Variants in CDH18 observed in about 807,000 individuals in gnomAD.
CDH18 encodes the protein cadherin-18.
In CDH18, 31 loss-of-function variants were observed where a neutral mutation model predicts 67.9. The ratio of observed to expected loss-of-function variants is 0.46; its 90% CI spans 0.34 to 0.62. The LOEUF (loss-of-function observed/expected upper bound fraction) is 0.62. Among genes scored for constraint, CDH18 ranks in the 20% least tolerant of loss-of-function variants. The pLI is 0.01. For synonymous variants in CDH18, 362 were observed against 347.2 expected, an observed-to-expected ratio of 1.04 and a Z score of -0.48; for missense variants, 890 against 975.5, an observed-to-expected ratio of 0.91 and a Z score of 1.17.
At chr5:20,536,019 A>G (rs2126569899) in intron 1 of CDH18, among the ~76,000 whole-genome samples, 1 of 152,220 alleles carries the variant, frequency 6.6e-6, no homozygotes, top group East Asian at 1.9e-4. Context: ...TATGCTGTTT[A>G]TTGTCCAGTG....
intron 9 of CDH18, among the ~76,000 whole-genome samples, chr5:19,531,816 G>A (rs1008997844): frequency 1.3e-5 from 2 of 152,162 alleles, no homozygotes; most frequent in Non-Finnish European, 2.9e-5. Flanking sequence ...TGAAAATAAT[G>A]ACTCATAAGC....
At chr5:20,523,269 A>G (rs1755855367) in intron 1 of CDH18, among the ~76,000 whole-genome samples, 1 of 152,152 alleles carries the variant, frequency 6.6e-6, no homozygotes, top group Non-Finnish European at 1.5e-5. Context: ...ATTCTTTGCA[A>G]TCAGCTGAGT....
intron 2 of CDH18, among the ~76,000 whole-genome samples, chr5:20,081,090 A>T (rs1744430589): frequency 6.6e-6 from 1 of 152,162 alleles, no homozygotes; most frequent in South Asian, 2.1e-4. Flanking sequence ...AAATGATTAA[A>T]CAATTAAGAG....
chr5:20,404,814 A>T (rs888126424), intron 1 of CDH18, among the ~76,000 whole-genome samples: 1 of 152,136 alleles, frequency 6.6e-6, no homozygotes, highest in Non-Finnish European at 1.5e-5. Context: ...GGTTGCTATA[A>T]ACCTTACATT....
At chr5:19,584,832 A>AGAAAAG (rs1290072378) in intron 7 of CDH18, among the ~76,000 whole-genome samples, 2 of 150,198 alleles carry the variant, frequency 1.3e-5, no homozygotes, top group African/African-American at 4.9e-5. Context: ...AAAAAGAAAA[A>AGAAAAG]GAAAAAAGAA....
At chr5:19,963,563 C>T (rs1797122477) in intron 2 of CDH18, among the ~76,000 whole-genome samples, 1 of 151,962 alleles carries the variant, frequency 6.6e-6, no homozygotes, top group South Asian at 2.1e-4. Flanking sequence ...GCTTTTTCTC[C>T]TTTTGCTTAG....
intron 2 of CDH18, among the ~76,000 whole-genome samples, chr5:19,930,249 C>CT (rs1793532509): frequency 6.6e-6 from 1 of 152,034 alleles, no homozygotes. Context: ...CTCAGGGAAT[C>CT]TACTGCCAAA....
intron 5 of CDH18, among the ~76,000 whole-genome samples, chr5:19,696,731 T>C (rs1299047525): frequency 1.3e-5 from 2 of 152,088 alleles, no homozygotes; most frequent in Non-Finnish European, 1.5e-5. Context: ...TTGAATATGA[T>C]TTATCATCTA....
intron 1 of CDH18, among the ~76,000 whole-genome samples, chr5:20,425,219 T>A (rs1014737791): frequency 3.3e-5 from 5 of 150,502 alleles, no homozygotes; most frequent in Non-Finnish European, 7.4e-5. Flanking sequence ...TACAAAAAAT[T>A]AGCTGGGTGT....
At chr5:19,629,561 A>G (rs1246673287) in intron 5 of CDH18, among the ~76,000 whole-genome samples, 2 of 152,210 alleles carry the variant, frequency 1.3e-5, no homozygotes, top group Non-Finnish European at 2.9e-5. Context: ...TCAGGCTGCA[A>G]GAGTTATCTT....
chr5:20,241,321 C>T (rs767162856), intron 2 of CDH18, among the ~76,000 whole-genome samples: 3 of 152,130 alleles, frequency 2.0e-5, no homozygotes, highest in Non-Finnish European at 4.4e-5. Flanking sequence ...GACATCAAAA[C>T]CTAGCTTCAA....
In CDH18 at chr5:19,523,590, G is replaced by A. The variant is rs145334285; in HGVS notation, c.1391-2812C>T. ...ACATGAAAAAAAATCAGTCTCATTA[G>A]TATGAAAAAAAGTAGGTTAATCAAA... On this transcript the variant is annotated intron_variant, in intron 9 of 12. Coordinates refer to ENST00000382275, the MANE Select transcript of CDH18 (RefSeq NM_004934.5). Among the ~76,000 whole-genome samples, 507 of 151,974 alleles carry A rather than the reference G, an allele frequency of 3.3e-3. 1 individual carries two copies. Among genetic ancestry groups the A allele is most frequent in the African/African-American group, 0.011 (477 of 41,500 alleles).
chr5:20,145,796 C>T (rs1237366240), intron 2 of CDH18, among the ~76,000 whole-genome samples: 1 of 152,192 alleles, frequency 6.6e-6, no homozygotes, highest in Non-Finnish European at 1.5e-5. Context: ...CCCCATCCTT[C>T]TCCATAGATC....
chr5:19,624,777 C>A (rs1356764804), intron 5 of CDH18, among the ~76,000 whole-genome samples: 2 of 152,150 alleles, frequency 1.3e-5, no homozygotes, highest in Non-Finnish European at 1.5e-5. Flanking sequence ...AGACAGCAAA[C>A]CTGCTTTGTT....
intron 3 of CDH18, among the ~76,000 whole-genome samples, chr5:19,756,734 C>T (rs573698370): frequency 6.6e-6 from 1 of 152,296 alleles, no homozygotes; most frequent in East Asian, 1.9e-4. Flanking sequence ...TGCTATGTCT[C>T]CTGGTGTCAG....
intron 1 of CDH18, among the ~76,000 whole-genome samples, chr5:20,347,920 T>C (rs1301415962): frequency 1.3e-5 from 2 of 152,114 alleles, no homozygotes; most frequent in African/African-American, 4.8e-5. Context: ...TCCAGCCCCC[T>C]CTCTTTGCTG....
chr5:19,591,495 C>G (rs922091333), intron 6 of CDH18, among the ~76,000 whole-genome samples: 1 of 151,978 alleles, frequency 6.6e-6, no homozygotes, highest in Admixed American at 6.6e-5. Context: ...TTTATTAGCT[C>G]TAAACCCTTA....
At chr5:20,497,124 T>G (rs1753958544) in intron 1 of CDH18, among the ~76,000 whole-genome samples, 1 of 151,978 alleles carries the variant, frequency 6.6e-6, no homozygotes, top group African/African-American at 2.4e-5. Context: ...TTTGAATTAA[T>G]GTCATAAAGG....
chr5:20,499,622 C>T (rs942675045), intron 1 of CDH18, among the ~76,000 whole-genome samples: 2 of 152,072 alleles, frequency 1.3e-5, no homozygotes, highest in African/African-American at 4.8e-5. Context: ...TGAACTAATG[C>T]TCAGAGTCAG....
Sources: allele counts gnomAD v4.1 joint callset (sites outside exome capture counted in the v4.1 genomes callset), GRCh38; gene constraint gnomAD v4.1.1; transcripts MANE v1.5; gene names NCBI Gene and HGNC (gene_info 2026-07-23, HGNC 2026-07-21).